Variants in GABRB1 observed in about 807,000 individuals in gnomAD.
GABRB1 encodes the protein gamma-aminobutyric acid type A receptor subunit beta1, also known as gamma-aminobutyric acid receptor subunit beta-1.
GABRB1 carries 17 observed loss-of-function variants against 51.6 expected under a neutral mutation model. That is an observed-to-expected ratio of 0.33 (90% CI 0.23 to 0.49). GABRB1 has a LOEUF of 0.49. Ranked by LOEUF, GABRB1 falls within the 20% of genes least tolerant of loss-of-function variation. GABRB1 has a pLI of 0.99. For synonymous variants in GABRB1, 247 were observed against 218.9 expected (o/e 1.13, Z -1.14); for missense variants, 410 against 600.6 (o/e 0.68, Z 3.32).
chr4:47,361,465 G>T (rs1041724431), intron 5 of GABRB1, among the ~76,000 whole-genome samples: 3 of 152,104 alleles, frequency 2.0e-5, no homozygotes, highest in Admixed American at 1.3e-4. Flanking sequence ...AGGAGTTGAG[G>T]TTGTAGAAGA....
chr4:47,403,813 G>T, intron 7 of GABRB1, 102 bp downstream of exon 7: 1 of 1,091,582 alleles, frequency 9.2e-7, no homozygotes, highest in South Asian at 1.6e-5. Flanking sequence ...GCAAGCCAAA[G>T]AATTAGATCA....
intron 3 of GABRB1, among the ~76,000 whole-genome samples, chr4:47,121,771 A>G (rs543923437): frequency 3.0e-4 from 46 of 152,336 alleles, no homozygotes; most frequent in Non-Finnish European, 4.7e-4. Context: ...TGCAAATTAA[A>G]GACAACAGTC....
intron 8 of GABRB1, among the ~76,000 whole-genome samples, chr4:47,421,523 T>C (rs1729090452): frequency 6.6e-6 from 1 of 152,122 alleles, no homozygotes; most frequent in South Asian, 2.1e-4. Flanking sequence ...TGTCAAAGAT[T>C]GGAAGCCAAC....
At chr4:47,077,871 A>T (rs1486128526) in intron 3 of GABRB1, among the ~76,000 whole-genome samples, 1 of 140,054 alleles carries the variant, frequency 7.1e-6, no homozygotes, top group Non-Finnish European at 1.5e-5. Flanking sequence ...TTTTATATAT[A>T]TTATATGTAT....
At chr4:47,364,599 A>G (rs1051397430) in intron 5 of GABRB1, among the ~76,000 whole-genome samples, 1 of 151,908 alleles carries the variant, frequency 6.6e-6, no homozygotes, top group African/African-American at 2.4e-5. Flanking sequence ...AAAAAAGAAA[A>G]GAAAAACTAA....
chr4:47,227,960 C>T (rs1439309649), intron 4 of GABRB1, among the ~76,000 whole-genome samples: 1 of 152,128 alleles, frequency 6.6e-6, no homozygotes, highest in South Asian at 2.1e-4. Flanking sequence ...TAGCACCCAT[C>T]TAATAGCCTC....
chr4:47,333,918 G>T (rs955992766), intron 5 of GABRB1, among the ~76,000 whole-genome samples: 1 of 152,180 alleles, frequency 6.6e-6, no homozygotes, highest in African/African-American at 2.4e-5. Context: ...TTATTGCATT[G>T]ATTCCAAATC....
chr4:47,108,341 A>G (rs967093520), intron 3 of GABRB1, among the ~76,000 whole-genome samples: 4 of 152,100 alleles, frequency 2.6e-5, no homozygotes, highest in Non-Finnish European at 5.9e-5. Context: ...AAGGAGTAAA[A>G]GAGAGAAAAC....
At chr4:47,156,513 C>T (rs1717704991) in intron 3 of GABRB1, among the ~76,000 whole-genome samples, 1 of 152,000 alleles carries the variant, frequency 6.6e-6, no homozygotes, top group Non-Finnish European at 1.5e-5. Context: ...TGTTTTCAGT[C>T]ACTGCTAAAT....
intron 3 of GABRB1, among the ~76,000 whole-genome samples, chr4:47,158,279 GT>G (rs1275281388): frequency 1.3e-5 from 2 of 152,068 alleles, no homozygotes; most frequent in Admixed American, 6.6e-5. Context: ...CATTTTTAAA[GT>G]TGACAAATTA....
intron 3 of GABRB1, among the ~76,000 whole-genome samples, chr4:47,158,527 A>T (rs1717795228): frequency 6.6e-6 from 1 of 152,092 alleles, no homozygotes. Flanking sequence ...CGCAGGTTTC[A>T]TTGTGAGGAA....
At chr4:47,339,727 C>T (rs1725815998) in intron 5 of GABRB1, among the ~76,000 whole-genome samples, 1 of 151,884 alleles carries the variant, frequency 6.6e-6, no homozygotes, top group Admixed American at 6.6e-5. Context: ...GCCCAGACTA[C>T]ATTATGGGCT....
chr4:47,214,609 T>A (rs1720482520), intron 4 of GABRB1, among the ~76,000 whole-genome samples: 1 of 152,182 alleles, frequency 6.6e-6, no homozygotes, highest in Non-Finnish European at 1.5e-5. Flanking sequence ...CAATAATTTC[T>A]CATATGCAAA....
rs185288022 is a variant in GABRB1 at position 47,285,379 on chromosome 4, T to A, written c.462-34748T>A. Among the ~76,000 whole-genome samples, 415 of 152,348 alleles carry A rather than the reference T, an allele frequency of 2.7e-3. 2 individuals carry two copies. Among genetic ancestry groups the A allele is most frequent in the South Asian group, 4.3e-3 (21 of 4,834 alleles). ...AGTTTTATTTCTTTTTAAACAGCAC[T>A]TTTTTACTGACCTGACATTCACTAA... On this transcript the variant is annotated intron_variant, in intron 4 of 8. Transcript: ENST00000295454.
At chr4:47,190,097 C>T (rs1301205138) in intron 4 of GABRB1, among the ~76,000 whole-genome samples, 4 of 152,052 alleles carry the variant, frequency 2.6e-5, no homozygotes, top group Admixed American at 2.6e-4. Flanking sequence ...TTAGAAGGAA[C>T]TTTGAATTCC....
At chr4:47,354,983 T>TTTTTTTG (rs1192973440) in intron 5 of GABRB1, among the ~76,000 whole-genome samples, 2,977 of 94,632 alleles carry the variant, frequency 0.031, 538 homozygotes, top group Non-Finnish European at 0.044. Flanking sequence ...TTCCTTTGTT[T>TTTTTTTG]TTTTTTTTTT....
chr4:47,141,636 T>C (rs2109694643), intron 3 of GABRB1, among the ~76,000 whole-genome samples: 1 of 152,110 alleles, frequency 6.6e-6, no homozygotes, highest in East Asian at 1.9e-4. Context: ...TCTTTTTTAA[T>C]TTTTCTGAAG....
At chr4:47,221,457 G>A (rs1282390113) in intron 4 of GABRB1, among the ~76,000 whole-genome samples, 1 of 151,910 alleles carries the variant, frequency 6.6e-6, no homozygotes, top group African/African-American at 2.4e-5. Flanking sequence ...CAGTTCACCT[G>A]GGGCTTGCCA....
At position 47,032,400 on chromosome 4, in the gene GABRB1, G is replaced by A; in HGVS notation, c.173-17G>A. ...ACTGAGAGAATCTGTTCCTAATGTG[G>A]CCCACCTCCCCGGCAGGGCCCCCCG... On this transcript the variant is annotated splice_polypyrimidine_tract_variant and intron_variant, in intron 2 of 8. Coordinates refer to ENST00000295454, the MANE Select transcript of GABRB1 (RefSeq NM_000812.4). 1 of 1,571,880 alleles carries A rather than the reference G, an allele frequency of 6.4e-7. No individual in the cohort carries two copies.
Sources: gnomAD v4.1 joint callset for allele counts (sites outside exome capture counted in the v4.1 genomes callset) on GRCh38, gnomAD v4.1.1 for gene constraint, MANE v1.5 for transcripts, NCBI Gene and HGNC (gene_info 2026-07-23, HGNC 2026-07-21) for gene names.